MAST4: variants seen among roughly 807,000 people sequenced by gnomAD.
MAST4 encodes the protein microtubule-associated serine/threonine-protein kinase 4.
MAST4 carries 89 observed loss-of-function variants against 162.7 expected under a neutral mutation model. That is an observed-to-expected ratio of 0.55 (90% CI 0.46 to 0.65). MAST4 has a LOEUF of 0.65. Among genes scored for constraint, MAST4 ranks in the 30% least tolerant of loss-of-function variants. The pLI, the probability that MAST4 is intolerant of heterozygous loss-of-function variation, is 0.00. For synonymous variants in MAST4, 1,479 were observed against 1,361.1 expected (o/e 1.09, Z -1.91); for missense variants, 3,153 against 3,374.0 (o/e 0.93, Z 1.62).
At position 67,108,780 on chromosome 5, in the gene MAST4, A is replaced by T. The variant is rs116150354; in HGVS notation, c.1357-1318A>T. ...TTACTTCTGAGTACAATCATTTTTT[A>T]TAAATTTGATCTCTGCCAGTTCTTT... is the stretch of plus-strand genomic sequence containing the variant. On this transcript the variant is annotated intron_variant, in intron 10 of 28. Coordinates refer to ENST00000403625, the MANE Select transcript of MAST4 (RefSeq NM_001164664.2). Among the ~76,000 whole-genome samples the T allele has an allele frequency of 5.9e-3, 893 of 152,216 alleles. 11 individuals carry two copies. Among genetic ancestry groups the T allele is most frequent in the African/African-American group, 0.02 (842 of 41,548 alleles).
chr5:67,027,605 A>G (rs1234884615), intron 4 of MAST4, among the ~76,000 whole-genome samples: 2 of 152,218 alleles, frequency 1.3e-5, no homozygotes, highest in Non-Finnish European at 2.9e-5. Context: ...TGTCAGAGTA[A>G]AAAGTAGAAG....
At chr5:66,876,151 A>C (rs1439117326) in intron 3 of MAST4, among the ~76,000 whole-genome samples, 1 of 152,240 alleles carries the variant, frequency 6.6e-6, no homozygotes, top group Non-Finnish European at 1.5e-5. Flanking sequence ...TGCAGTGTTT[A>C]ATTCTTACCC....
chr5:66,958,465 CT>C (rs1464560890), intron 4 of MAST4, among the ~76,000 whole-genome samples: 2 of 152,126 alleles, frequency 1.3e-5, no homozygotes, highest in Non-Finnish European at 2.9e-5. Flanking sequence ...TATTAGATTG[CT>C]TTTGTAAAGT....
intron 1 of MAST4, among the ~76,000 whole-genome samples, chr5:66,753,272 G>GC (rs1753304595): frequency 6.6e-6 from 1 of 152,142 alleles, no homozygotes; most frequent in Non-Finnish European, 1.5e-5. Flanking sequence ...ACATTCAAAA[G>GC]CTAGCAGAAG....
At chr5:66,610,535 C>T (rs1252826978) in intron 1 of MAST4, among the ~76,000 whole-genome samples, 1 of 152,204 alleles carries the variant, frequency 6.6e-6, no homozygotes, top group Non-Finnish European at 1.5e-5. Flanking sequence ...CACCAGGGCC[C>T]TCTGCCTCTT....
intron 3 of MAST4, among the ~76,000 whole-genome samples, chr5:66,796,010 C>G (rs140922641): frequency 2.0e-5 from 3 of 152,246 alleles, no homozygotes; most frequent in African/African-American, 7.2e-5. Context: ...TTTCATAACT[C>G]AGTGCTGAAA....
chr5:67,165,031 C>G lies in MAST4; in HGVS notation c.5852C>G (p.Ala1951Gly), dbSNP rs373320732. The G allele has an allele frequency of 8.8e-5, 142 of 1,611,440 alleles. No homozygotes were observed. Among genetic ancestry groups the G allele is most frequent in the Non-Finnish European group, 1.1e-4 (135 of 1,178,772 alleles). The change falls in exon 29 of 29, where the codon GCC becomes GGC. Residue 1951 changes from alanine to glycine, a missense_variant. Transcript: ENST00000403625. ...CAGAACCTCCACAGCCCTGACCTGG[C>G]CAGGCCACGCTGCCCGCTCCCACCT... ...LGQNLHSPDL[A>G]RPRCPLPPEA...
At chr5:66,845,116 T>C (rs865817478) in intron 3 of MAST4, among the ~76,000 whole-genome samples, 3 of 129,570 alleles carry the variant, frequency 2.3e-5, no homozygotes, top group South Asian at 2.6e-4. Flanking sequence ...TATATATATA[T>C]ATATATATAT....
At chr5:66,871,803 G>A (rs1364068119) in intron 3 of MAST4, among the ~76,000 whole-genome samples, 1 of 152,198 alleles carries the variant, frequency 6.6e-6, no homozygotes, top group Non-Finnish European at 1.5e-5. Flanking sequence ...CTCTGACCCA[G>A]TTGCTGGACA....
At chr5:66,983,001 A>G (rs138411302) in intron 4 of MAST4, among the ~76,000 whole-genome samples, 1 of 152,316 alleles carries the variant, frequency 6.6e-6, no homozygotes, top group Non-Finnish European at 1.5e-5. Context: ...TATAGCTTTT[A>G]TTGAGCACAT....
At chr5:66,609,429 T>G (rs796877623) in intron 1 of MAST4, among the ~76,000 whole-genome samples, 28 of 151,140 alleles carry the variant, frequency 1.9e-4, no homozygotes, top group African/African-American at 6.6e-4. Flanking sequence ...TGGCTCTGTT[T>G]CCCAGACTGA....
chr5:66,935,007 G>T lies in MAST4; in HGVS notation c.674+35025G>T, dbSNP rs563208827. 2.0e-5 allele frequency among the ~76,000 whole-genome samples: 3 copies of T among 152,270 alleles called. No homozygotes were observed. In the South Asian group the frequency reaches 6.2e-4, roughly 32 times the overall value. On this transcript the variant is annotated intron_variant, in intron 4 of 28. Coordinates refer to ENST00000403625, the MANE Select transcript of MAST4 (RefSeq NM_001164664.2). The stretch of plus-strand genomic sequence containing the variant: ...GTAGGTAAGGATGTCTTCCAATCTA[G>T]TTCTGCCACTTAGTAGCTGTATGAC...
At chr5:66,712,554 C>T (rs1023562049) in intron 1 of MAST4, among the ~76,000 whole-genome samples, 1 of 152,190 alleles carries the variant, frequency 6.6e-6, no homozygotes, top group African/African-American at 2.4e-5. Flanking sequence ...CTGATGAACA[C>T]ATTAAAGGTC....
chr5:67,107,658 A>G (rs957435706), intron 10 of MAST4, among the ~76,000 whole-genome samples: 59 of 152,200 alleles, frequency 3.9e-4, no homozygotes, highest in Admixed American at 2.0e-4. Context: ...TGTGCTCTGT[A>G]GGCCTATCTC....
intron 4 of MAST4, among the ~76,000 whole-genome samples, chr5:66,913,194 C>T (rs759200929): frequency 2.0e-5 from 3 of 152,146 alleles, no homozygotes; most frequent in Non-Finnish European, 2.9e-5. Context: ...TATGTGTATA[C>T]GCTCGTGAAA....
At chr5:67,162,055 G>C (rs1234796188) in intron 27 of MAST4, among the ~76,000 whole-genome samples, 1 of 152,136 alleles carries the variant, frequency 6.6e-6, no homozygotes, top group Non-Finnish European at 1.5e-5. Flanking sequence ...ATACGCTTCA[G>C]CTTCACCTTT....
chr5:66,721,307 C>T lies in MAST4; in HGVS notation c.364-38402C>T, dbSNP rs556243905. On this transcript the variant is annotated intron_variant, in intron 1 of 28. Transcript: ENST00000403625. ...CTCTTGAACCCAGACTATAGGCTTT[C>T]ATCCCTTGCTCTGTAGAGACTACTC... Among the ~76,000 whole-genome samples, 6 of 152,290 alleles carry T rather than the reference C, an allele frequency of 3.9e-5. No individual in the cohort carries two copies. In the East Asian group the frequency reaches 1.2e-3, roughly 29 times the overall value.
intron 7 of MAST4, among the ~76,000 whole-genome samples, chr5:67,096,677 A>G (rs953858098): frequency 1.3e-5 from 2 of 152,176 alleles, no homozygotes; most frequent in Non-Finnish European, 2.9e-5. Flanking sequence ...TCCAAGTATA[A>G]TAATATAACG....
rs1976563 is a variant in MAST4, at chr5:66,988,992, G to A, written c.675-65412G>A. On this transcript the variant is annotated intron_variant, in intron 4 of 28. Transcript: ENST00000403625. ...TGTTAAATTTAATGCTCACAAAAAC[G>A]TATTTGAAAATAATTTCTATTTTAG... Among the ~76,000 whole-genome samples, 1,488 of 152,166 alleles carry A rather than the reference G, an allele frequency of 9.8e-3. 15 individuals are homozygous for A. The highest frequency in any genetic ancestry group is 0.016 in the Non-Finnish European group (1,106 of 67,996).
Sources: gnomAD v4.1 joint callset for allele counts (sites outside exome capture counted in the v4.1 genomes callset) on GRCh38, gnomAD v4.1.1 for gene constraint, MANE v1.5 for transcripts, NCBI Gene and HGNC (gene_info 2026-07-23, HGNC 2026-07-21) for gene names.